CTNNA2: variants seen among roughly 807,000 people sequenced by gnomAD.
CTNNA2 encodes the protein catenin alpha-2.
Under a neutral mutation model 101.0 loss-of-function variants are expected in CTNNA2, and 42 were observed. The ratio of observed to expected loss-of-function variants is 0.42; its 90% confidence interval spans 0.32 to 0.54. The LOEUF is 0.54. Ranked by LOEUF, CTNNA2 falls within the 20% of genes least tolerant of loss-of-function variation. The probability of loss-of-function intolerance (pLI) is 0.14; values close to 1 mark genes in which losing one functional copy is unlikely to be tolerated. For missense variants in CTNNA2, 871 were observed against 1,223.1 expected, an observed-to-expected ratio of 0.71 and a Z score of 4.29; for synonymous variants, 450 against 456.4, an observed-to-expected ratio of 0.99 and a Z score of 0.18.
At chr2:80,341,189 GC>G (rs1451523595) in intron 7 of CTNNA2, among the ~76,000 whole-genome samples, 1 of 151,944 alleles carries the variant, frequency 6.6e-6, no homozygotes, top group Non-Finnish European at 1.5e-5. Flanking sequence ...CATCATATAG[GC>G]ATGATTTGTT....
At chr2:80,336,603 A>G (rs74608525) in intron 7 of CTNNA2, among the ~76,000 whole-genome samples, 1,580 of 152,328 alleles carry the variant, frequency 0.01, 27 homozygotes, top group African/African-American at 0.036. Flanking sequence ...GCTTGCATCT[A>G]TGCATCTCAA....
At chr2:80,542,846 T>G (rs1335560705) in intron 9 of CTNNA2, among the ~76,000 whole-genome samples, 1 of 149,030 alleles carries the variant, frequency 6.7e-6, no homozygotes, top group Non-Finnish European at 1.5e-5. Flanking sequence ...TACATATATC[T>G]TTCTAGAAGA....
At chr2:80,589,169 C>A (rs570956916) in intron 14 of CTNNA2, 135 bp from the exon 15 acceptor site, 12 of 847,650 alleles carry the variant, frequency 1.4e-5, no homozygotes, top group African/African-American at 1.2e-4. Context: ...TGGAGAAAGA[C>A]GTGCTTTCCG....
At position 80,109,836 on chromosome 2, in the gene CTNNA2, C is replaced by A. The variant is rs151331042; in HGVS notation, c.1056+200039C>A. Among the ~76,000 whole-genome samples, 69 of 152,208 alleles carry A rather than the reference C, an allele frequency of 4.5e-4. No individual in the cohort carries two copies. In the East Asian group the frequency reaches 0.013, roughly 29 times the overall value. On this transcript the variant is annotated intron_variant, in intron 7 of 18. Transcript: ENST00000402739. ...CCCCACCCACGGTGCTCACTAAATG[C>A]TTTTTTTACTTCCTCCACCAGTTCT...
At chr2:80,624,082 T>C (rs1050871893) in intron 18 of CTNNA2, among the ~76,000 whole-genome samples, 9 of 151,990 alleles carry the variant, frequency 5.9e-5, no homozygotes, top group African/African-American at 2.2e-4. Flanking sequence ...TTTGTCATGC[T>C]CCAATACAAG....
chr2:80,598,547 T>G (rs996628926), intron 15 of CTNNA2, among the ~76,000 whole-genome samples: 3 of 152,104 alleles, frequency 2.0e-5, no homozygotes, highest in African/African-American at 7.2e-5. Flanking sequence ...TCCAGAGACG[T>G]AAAAACTTGT....
In CTNNA2 at chr2:80,294,948, A is replaced by C. The variant is rs1436102811; in HGVS notation, c.1057-98263A>C. Among the ~76,000 whole-genome samples, 3 of 152,362 alleles carry C rather than the reference A, an allele frequency of 2.0e-5. No homozygotes were observed. In the East Asian group the frequency reaches 5.8e-4, roughly 29 times the overall value. ...AATGATTGAAAAGGATTGAGGAGTC[A>C]GTGTAATCACAGCTACTTATGTTAA... is the stretch of plus-strand genomic sequence containing the variant. On this transcript the variant is annotated intron_variant, in intron 7 of 18. Coordinates refer to ENST00000402739, the MANE Select transcript of CTNNA2 (RefSeq NM_001282597.3).
intron 3 of CTNNA2, among the ~76,000 whole-genome samples, chr2:79,785,810 A>G (rs1573964983): frequency 2.6e-5 from 4 of 152,190 alleles, no homozygotes; most frequent in Admixed American, 6.6e-5. Context: ...AAAATGAGCA[A>G]GAACTACAGT....
At chr2:79,924,854 T>C (rs999222915) in intron 7 of CTNNA2, among the ~76,000 whole-genome samples, 1 of 152,066 alleles carries the variant, frequency 6.6e-6, no homozygotes, top group Admixed American at 6.6e-5. Context: ...TGTTTAGAGG[T>C]TGAAGAAAGT....
chr2:80,285,254 T>C (rs1674668514), intron 7 of CTNNA2, among the ~76,000 whole-genome samples: 2 of 152,194 alleles, frequency 1.3e-5, no homozygotes, highest in Non-Finnish European at 2.9e-5. Context: ...TCTACCACAC[T>C]GGTATCTCTC....
intron 17 of CTNNA2, among the ~76,000 whole-genome samples, chr2:80,612,132 A>G (rs559203473): frequency 6.6e-6 from 1 of 151,612 alleles, no homozygotes; most frequent in African/African-American, 2.4e-5. Flanking sequence ...TCTTTTCCAA[A>G]TCTGAATTCC....
At chr2:79,406,148 T>C (rs896372) in intron 4 of CTNNA2, among the ~76,000 whole-genome samples, 6 of 151,966 alleles carry the variant, frequency 3.9e-5, no homozygotes, top group East Asian at 3.9e-4. Context: ...AGAAAGGTCA[T>C]TGATACTTTA....
intron 7 of CTNNA2, among the ~76,000 whole-genome samples, chr2:79,927,404 C>T (rs1687096196): frequency 6.6e-6 from 1 of 151,862 alleles, no homozygotes; most frequent in African/African-American, 2.4e-5. Flanking sequence ...TACTAGTGGA[C>T]TTTTAGGAAA....
At position 80,231,861 on chromosome 2, in the gene CTNNA2, G is replaced by T. The variant is rs192876748; in HGVS notation, c.1057-161350G>T. Among the ~76,000 whole-genome samples, 931 of 152,068 alleles carry T rather than the reference G, an allele frequency of 6.1e-3. 13 individuals are homozygous for T. Among genetic ancestry groups the T allele is most frequent in the African/African-American group, 0.021 (879 of 41,480 alleles). On this transcript the variant is annotated intron_variant, in intron 7 of 18. Coordinates refer to ENST00000402739, the MANE Select transcript of CTNNA2 (RefSeq NM_001282597.3). Reference sequence around the variant, plus strand: ...TGTAGAGAATCTCCTTCCCTTACTAGTTTTTTTTCCAGAGAGTCTGGCACC... The same window carrying T: ...TGTAGAGAATCTCCTTCCCTTACTATTTTTTTTTCCAGAGAGTCTGGCACC...
intron 7 of CTNNA2, among the ~76,000 whole-genome samples, chr2:80,033,450 G>C (rs1695438482): frequency 1.3e-5 from 2 of 152,002 alleles, no homozygotes; most frequent in South Asian, 4.1e-4. Context: ...GCATGCACCT[G>C]TAGGCCCAGC....
chr2:79,749,660 G>T (rs985356928), intron 3 of CTNNA2, among the ~76,000 whole-genome samples: 1 of 152,150 alleles, frequency 6.6e-6, no homozygotes, highest in African/African-American at 2.4e-5. Context: ...GAAAGCATTG[G>T]CAGTTTGGCT....
chr2:80,033,410 A>T (rs993479735), intron 7 of CTNNA2, among the ~76,000 whole-genome samples: 1 of 151,702 alleles, frequency 6.6e-6, no homozygotes, highest in Admixed American at 6.6e-5. Flanking sequence ...TGTCTCCACA[A>T]AAAAAATTAG....
intron 1 of CTNNA2, among the ~76,000 whole-genome samples, chr2:79,551,363 T>G (rs1674088978): frequency 6.6e-6 from 1 of 152,110 alleles, no homozygotes; most frequent in Non-Finnish European, 1.5e-5. Context: ...CTTTTTAAGG[T>G]TTTGATTAAT....
At chr2:79,483,203 A>G (rs928964527) in intron 4 of CTNNA2, among the ~76,000 whole-genome samples, 2 of 152,266 alleles carry the variant, frequency 1.3e-5, no homozygotes, top group Admixed American at 1.3e-4. Context: ...TATGTTGAGC[A>G]ATACACTAAC....
Sources: gnomAD v4.1 joint callset for allele counts (sites outside exome capture counted in the v4.1 genomes callset) on GRCh38, gnomAD v4.1.1 for gene constraint, MANE v1.5 for transcripts, NCBI Gene and HGNC (gene_info 2026-07-23, HGNC 2026-07-21) for gene names.